The following NFE2L3 variants were observed in gnomAD, a reference collection of about 807,000 sequenced individuals.
The protein encoded by NFE2L3 is NFE2 like bZIP transcription factor 3, also known as nuclear factor erythroid 2-related factor 3.
NFE2L3 carries 18 observed loss-of-function variants against 23.5 expected under a neutral mutation model. The observed-to-expected ratio is 0.77, with a 90% CI of 0.53 to 1.13. The LOEUF (loss-of-function observed/expected upper bound fraction) is 1.13, where lower values mean the gene tolerates loss of function less well. Among genes scored for constraint, NFE2L3 ranks in the 50% most tolerant of loss-of-function variants. The pLI, the probability that NFE2L3 is intolerant of heterozygous loss-of-function variation, is 0.00. For synonymous variants in NFE2L3, 424 were observed against 354.5 expected, an observed-to-expected ratio of 1.20 and a Z score of -2.20; for missense variants, 1,152 against 877.2, an observed-to-expected ratio of 1.31 and a Z score of -3.96.
intron 2 of NFE2L3, among the ~76,000 whole-genome samples, chr7:26,181,373 GAGTT>G (rs1294152042): frequency 1.3e-5 from 2 of 152,264 alleles, no homozygotes; most frequent in East Asian, 3.9e-4. Flanking sequence ...AAACAGAAAT[GAGTT>G]AGACCAGTGA....
chr7:26,184,237 C>A (rs1043935508), intron 3 of NFE2L3: 6 of 372,484 alleles, frequency 1.6e-5, no homozygotes, highest in Non-Finnish European at 2.4e-5. Flanking sequence ...TGAGTTGCAT[C>A]TTATTATAAA....
chr7:26,153,861 C>T (rs1423298700), intron 1 of NFE2L3, among the ~76,000 whole-genome samples: 8 of 152,226 alleles, frequency 5.3e-5, no homozygotes, highest in Admixed American at 5.2e-4. Context: ...GACACTTTAA[C>T]ACCAGTTTCC....
chr7:26,184,738 C>A lies in NFE2L3; in HGVS notation c.1040C>A (p.Ser347Tyr). ...QSQEPFLQLN[S>Y]HTTNPEQTLP... ...CAAGAACCATTTCTGCAGTTAAATTCTCATACCACCAATCCTGAGCAAACC... is the reference window on the plus strand; with the variant it reads ...CAAGAACCATTTCTGCAGTTAAATTATCATACCACCAATCCTGAGCAAACC... The change falls in exon 4 of 4, where the codon TCT becomes TAT. Residue 347 changes from serine to tyrosine, a missense_variant. By Grantham distance (144) the Ser-to-Tyr change is moderately radical. Transcript: ENST00000056233. 1 of 1,613,948 alleles carries A rather than the reference C, an allele frequency of 6.2e-7. No homozygotes were observed. The highest frequency in any genetic ancestry group is 8.5e-7 in the Non-Finnish European group (1 of 1,179,854).
rs1249661756 is a variant in NFE2L3 at position 26,186,342 on chromosome 7, C to T, written c.*559C>T. 6.6e-6 allele frequency: 1 copy of T among 152,162 alleles called. No individual in the cohort carries two copies. Among genetic ancestry groups the T allele is most frequent in the Admixed American group, 6.5e-5 (1 of 15,268 alleles). 9.4% of individuals were successfully genotyped at this position (152,162 alleles called of 1,614,324 possible). A position where few individuals can be genotyped will look rare whatever the true frequency, so the allele number is the denominator to read the frequency against. On this transcript the variant is annotated 3_prime_UTR_variant, in exon 4 of 4. Transcript: ENST00000056233. The stretch of plus-strand genomic sequence containing the variant: ...ATCTGAACCAAATTTACCTTACTTT[C>T]CTTCCAAAATATCCACATTCAGGAA...
In NFE2L3 at chr7:26,185,321, T is replaced by G; in HGVS notation, c.1623T>G (p.Arg541=). 1 of 1,614,144 alleles carries G rather than the reference T, an allele frequency of 6.2e-7. No homozygotes were observed. Among genetic ancestry groups the G allele is most frequent in the Non-Finnish European group, 8.5e-7 (1 of 1,179,996 alleles). ...TDRNLSRDEQ[R]AKALHIPFSV... ...GAAACTTGAGCCGTGATGAACAGCGTGCTAAAGCTTTGCATATCCCTTTTT... is the reference window on the plus strand; with the variant it reads ...GAAACTTGAGCCGTGATGAACAGCGGGCTAAAGCTTTGCATATCCCTTTTT... The change falls in exon 4 of 4, where the codon CGT becomes CGG. Residue 541 remains arginine, a synonymous_variant. Coordinates refer to ENST00000056233, the MANE Select transcript of NFE2L3 (RefSeq NM_004289.7).
At chr7:26,178,760 C>T (rs1784458619) in intron 2 of NFE2L3, among the ~76,000 whole-genome samples, 2 of 152,192 alleles carry the variant, frequency 1.3e-5, no homozygotes, top group African/African-American at 4.8e-5. Flanking sequence ...ACTCTGATTT[C>T]TCTTCAGCCC....
At chr7:26,183,302 C>A (rs949373395) in intron 2 of NFE2L3, among the ~76,000 whole-genome samples, 1 of 152,022 alleles carries the variant, frequency 6.6e-6, no homozygotes, top group South Asian at 2.1e-4. Context: ...AATCCCAGCA[C>A]TTTGGGAGGC....
intron 2 of NFE2L3, among the ~76,000 whole-genome samples, chr7:26,180,624 G>C (rs545155441): frequency 6.6e-6 from 1 of 152,306 alleles, no homozygotes; most frequent in African/African-American, 2.4e-5. Flanking sequence ...ATTTAACACT[G>C]AATTGTATAT....
chr7:26,156,789 G>A (rs910933682), intron 1 of NFE2L3, among the ~76,000 whole-genome samples: 15 of 152,238 alleles, frequency 9.9e-5, no homozygotes, highest in African/African-American at 3.4e-4. Flanking sequence ...GAGGGGTCTG[G>A]TAAGACCTCT....
intron 3 of NFE2L3, 82 bp downstream of exon 3, chr7:26,183,866 G>GATGACACAGCAGTTTA: frequency 1.1e-6 from 1 of 904,346 alleles, no homozygotes; most frequent in Admixed American, 1.8e-5. Context: ...CCTTTACTTG[G>GATGACACAGCAGTTTA]ATGACACAGC....
intron 1 of NFE2L3, among the ~76,000 whole-genome samples, chr7:26,160,071 A>C (rs1298265099): frequency 6.7e-6 from 1 of 148,426 alleles, no homozygotes; most frequent in South Asian, 2.1e-4. Flanking sequence ...CTCCTGCCTT[A>C]GTCTCCCAAG....
intron 1 of NFE2L3, among the ~76,000 whole-genome samples, chr7:26,164,348 T>A (rs577320988): frequency 2.0e-5 from 3 of 152,340 alleles, no homozygotes; most frequent in Non-Finnish European, 4.4e-5. Context: ...TGATCGCCAT[T>A]CTAACTGGTG....
At chr7:26,171,296 A>G (rs1784324726) in intron 1 of NFE2L3, among the ~76,000 whole-genome samples, 1 of 152,218 alleles carries the variant, frequency 6.6e-6, no homozygotes, top group African/African-American at 2.4e-5. Flanking sequence ...CTGTAATCCC[A>G]GTACTTTGGG....
intron 1 of NFE2L3, among the ~76,000 whole-genome samples, chr7:26,170,640 G>A (rs1157015062): frequency 6.6e-6 from 1 of 152,148 alleles, no homozygotes; most frequent in Non-Finnish European, 1.5e-5. Flanking sequence ...AAAAACTCCT[G>A]GCACAGACAG....
chr7:26,167,110 C>A (rs988411959), intron 1 of NFE2L3, among the ~76,000 whole-genome samples: 1 of 152,184 alleles, frequency 6.6e-6, no homozygotes, highest in Non-Finnish European at 1.5e-5. Flanking sequence ...CCTTTCTTCC[C>A]CTTTCCACTA....
chr7:26,157,583 T>C (rs1784100630), intron 1 of NFE2L3, among the ~76,000 whole-genome samples: 1 of 152,248 alleles, frequency 6.6e-6, no homozygotes, highest in Non-Finnish European at 1.5e-5. Context: ...GACATTTGCC[T>C]GTTTTTAACT....
intron 2 of NFE2L3, among the ~76,000 whole-genome samples, chr7:26,183,420 CAG>C (rs1782380893): frequency 6.6e-6 from 1 of 152,072 alleles, no homozygotes; most frequent in Non-Finnish European, 1.5e-5. Context: ...TGGTGGTGCA[CAG>C]CTGTAATCCC....
intron 2 of NFE2L3, among the ~76,000 whole-genome samples, chr7:26,180,503 A>G (rs1784488609): frequency 6.6e-6 from 1 of 152,226 alleles, no homozygotes; most frequent in Admixed American, 6.5e-5. Context: ...CTTTTATATT[A>G]AAATACTGAC....
chr7:26,161,939 T>A (rs1359672144), intron 1 of NFE2L3, among the ~76,000 whole-genome samples: 1 of 152,130 alleles, frequency 6.6e-6, no homozygotes, highest in Non-Finnish European at 1.5e-5. Flanking sequence ...GGTCAGGAGT[T>A]TGAGACCAGC....
Sources: gnomAD v4.1 joint callset for allele counts (sites outside exome capture counted in the v4.1 genomes callset) on GRCh38, gnomAD v4.1.1 for gene constraint, MANE v1.5 for transcripts, NCBI Gene and HGNC (gene_info 2026-07-23, HGNC 2026-07-21) for gene names.